The following METTL24 variants were observed in gnomAD, a reference collection of about 807,000 sequenced individuals.
The protein encoded by METTL24 is methyltransferase like 24.
In METTL24, 29 loss-of-function variants were observed where a neutral mutation model predicts 32.7. The observed-to-expected ratio is 0.89, with a 90% CI of 0.66 to 1.21. The LOEUF (loss-of-function observed/expected upper bound fraction) is 1.21. METTL24 is among the 50% of genes most tolerant of loss of function. The pLI is 0.00. For synonymous variants in METTL24, 163 were observed against 179.5 expected (o/e 0.91, Z 0.73); for missense variants, 439 against 468.1 (o/e 0.94, Z 0.57).
chr6:110,252,956 T>G (rs1421817170), intron 4 of METTL24, among the ~76,000 whole-genome samples: 3 of 152,158 alleles, frequency 2.0e-5, no homozygotes, highest in Non-Finnish European at 4.4e-5. Flanking sequence ...TATTTTGCAC[T>G]AGGCCCCACA....
chr6:110,297,744 C>A (rs1451217918), intron 4 of METTL24, among the ~76,000 whole-genome samples: 1 of 152,196 alleles, frequency 6.6e-6, no homozygotes, highest in East Asian at 1.9e-4. Flanking sequence ...AAGGAGTTCT[C>A]TTCTGAGATT....
chr6:110,342,056 C>T (rs141116655), intron 1 of METTL24, among the ~76,000 whole-genome samples: 50 of 152,300 alleles, frequency 3.3e-4, no homozygotes, highest in Non-Finnish European at 5.4e-4. Context: ...GCAGAACAAG[C>T]GCTCCCTTGT....
chr6:110,257,809 C>G (rs1778412374), intron 4 of METTL24, among the ~76,000 whole-genome samples: 1 of 152,294 alleles, frequency 6.6e-6, no homozygotes, highest in East Asian at 1.9e-4. Context: ...AATCTTTGGC[C>G]TTGGAAGGTA....
chr6:110,264,825 A>T (rs1364264490), intron 4 of METTL24, among the ~76,000 whole-genome samples: 1 of 152,138 alleles, frequency 6.6e-6, no homozygotes, highest in Non-Finnish European at 1.5e-5. Flanking sequence ...CTTTGTAGGG[A>T]CATGGATGAA....
At chr6:110,302,424 TACAC>T (rs1323910329) in intron 3 of METTL24, among the ~76,000 whole-genome samples, 1 of 146,404 alleles carries the variant, frequency 6.8e-6, no homozygotes, top group African/African-American at 2.6e-5. Context: ...TATACACATA[TACAC>T]ACACATATGT....
intron 4 of METTL24, among the ~76,000 whole-genome samples, chr6:110,248,363 G>A (rs948512208): frequency 6.6e-6 from 1 of 152,076 alleles, no homozygotes; most frequent in Non-Finnish European, 1.5e-5. Context: ...CAAGAAAATG[G>A]GCTCTGTCCT....
At chr6:110,307,519 C>G (rs1771646645) in intron 3 of METTL24, among the ~76,000 whole-genome samples, 1 of 152,142 alleles carries the variant, frequency 6.6e-6, no homozygotes, top group African/African-American at 2.4e-5. Flanking sequence ...GCCAATCTGT[C>G]TGTATCTTGG....
chr6:110,255,274 C>CT (rs1231641465), intron 4 of METTL24, among the ~76,000 whole-genome samples: 1 of 152,102 alleles, frequency 6.6e-6, no homozygotes. Context: ...AGCAAAGGCT[C>CT]TTTTTTTCTG....
Position 110,358,081 on chromosome 6 carries a change from C to G in METTL24, c.192G>C (p.Gln64His), listed in dbSNP as rs1204998343. Residue 64 changes from glutamine to histidine, a missense_variant, in exon 1 of 5, where the codon CAG becomes CAC. Coordinates refer to ENST00000338882, the MANE Select transcript of METTL24 (RefSeq NM_001123364.3). The part of the protein sequence containing the change: ...PGPHLPPAPG[Q>H]PRGASRRQVT... ...CCTGCCTCCTGCTGGCGCCGCGCGG[C>G]TGGCCCGGCGCGGGCGGCAGGTGCG... is the stretch of plus-strand genomic sequence containing the variant. 1.0e-6 allele frequency: 1 copy of G among 999,530 alleles called. No homozygotes were observed. 61.9% of individuals were successfully genotyped at this position (999,530 alleles called of 1,614,324 possible). A position where few individuals can be genotyped will look rare whatever the true frequency, so the allele number is the denominator to read the frequency against.
chr6:110,322,723 A>G (rs1424157591), intron 2 of METTL24, 51 bp downstream of exon 2: 2 of 1,476,168 alleles, frequency 1.4e-6, no homozygotes, highest in East Asian at 2.3e-5. Context: ...CAAAAGAGGC[A>G]ATCAGGATCT....
intron 1 of METTL24, among the ~76,000 whole-genome samples, chr6:110,356,215 G>A (rs1189100253): frequency 2.6e-5 from 4 of 152,174 alleles, no homozygotes; most frequent in Admixed American, 6.5e-5. Flanking sequence ...GGATTGAGGC[G>A]GGTGGGTCAC....
intron 4 of METTL24, among the ~76,000 whole-genome samples, chr6:110,257,349 C>G (rs1382936357): frequency 1.3e-5 from 2 of 152,158 alleles, no homozygotes; most frequent in African/African-American, 2.4e-5. Context: ...CTGAGCTGCT[C>G]TCCTGTACAG....
intron 4 of METTL24, among the ~76,000 whole-genome samples, chr6:110,252,403 C>A (rs151086686): frequency 2.0e-5 from 3 of 152,178 alleles, no homozygotes; most frequent in Non-Finnish European, 4.4e-5. Flanking sequence ...CTTTTTCTTA[C>A]AAGGACACTA....
chr6:110,337,277 C>G (rs1251835638), intron 1 of METTL24, among the ~76,000 whole-genome samples: 1 of 151,904 alleles, frequency 6.6e-6, no homozygotes, highest in East Asian at 1.9e-4. Context: ...ACTTGAGGGT[C>G]GAGGGTTGGA....
At chr6:110,310,073 G>C (rs1409094953) in intron 3 of METTL24, among the ~76,000 whole-genome samples, 2 of 152,126 alleles carry the variant, frequency 1.3e-5, no homozygotes, top group Admixed American at 6.5e-5. Context: ...CACTCTTCCT[G>C]CTGTGTTAAA....
chr6:110,358,012 G>T lies in METTL24; in HGVS notation c.261C>A (p.Gly87=). ...RSGRRAPPGG[G]GSGTPEPGCC... ...AGCCAGGCTCCGGCGTCCCGCTCCC[G>T]CCGCCCCCCGGCGGCGCCCGGCGAC... The change falls in exon 1 of 5, where the codon GGC becomes GGA. Residue 87 remains glycine, a synonymous_variant. Transcript: ENST00000338882. The T allele has an allele frequency of 8.6e-7, 1 of 1,156,158 alleles. No homozygotes were observed. Among genetic ancestry groups the T allele is most frequent in the Non-Finnish European group, 1.1e-6 (1 of 939,860 alleles). 71.6% of individuals were successfully genotyped at this position (1,156,158 alleles called of 1,614,324 possible). A position where few individuals can be genotyped will look rare whatever the true frequency, so the allele number is the denominator to read the frequency against.
At chr6:110,259,111 C>G (rs977318643) in intron 4 of METTL24, among the ~76,000 whole-genome samples, 2 of 152,102 alleles carry the variant, frequency 1.3e-5, no homozygotes, top group African/African-American at 4.8e-5. Flanking sequence ...GACTGTCAGA[C>G]AGTGGGTGCA....
intron 4 of METTL24, among the ~76,000 whole-genome samples, chr6:110,285,049 C>T (rs1474252474): frequency 1.3e-5 from 2 of 152,256 alleles, no homozygotes; most frequent in Admixed American, 1.3e-4. Flanking sequence ...TTTTCTGACT[C>T]TGAAGTGCAG....
At position 110,244,208 on chromosome 6, in the gene METTL24, T is replaced by C. The variant is rs7766653; in HGVS notation, c.*1738A>G. Among the ~76,000 whole-genome samples, 3 of 151,966 alleles carry C rather than the reference T, an allele frequency of 2.0e-5. No individual in the cohort carries two copies. The highest frequency in any genetic ancestry group is 4.4e-5 in the Non-Finnish European group (3 of 68,008). The stretch of plus-strand genomic sequence containing the variant: ...CATTATTAGAGATAATGTATTTTTT[T>C]AAAAAAGATTTGACAGCATAGGCAA... On this transcript the variant is annotated 3_prime_UTR_variant, in exon 5 of 5. Transcript: ENST00000338882.
Sources: gnomAD v4.1 joint callset for allele counts (sites outside exome capture counted in the v4.1 genomes callset) on GRCh38, gnomAD v4.1.1 for gene constraint, MANE v1.5 for transcripts, NCBI Gene and HGNC (gene_info 2026-07-23, HGNC 2026-07-21) for gene names.